The following GRIA1 variants were observed in gnomAD, a reference collection of about 807,000 sequenced individuals.
GRIA1 encodes the protein glutamate receptor 1.
In GRIA1, 31 loss-of-function variants were observed where a neutral mutation model predicts 99.2. That is an observed-to-expected ratio of 0.31 (90% confidence interval 0.23 to 0.42). The LOEUF (loss-of-function observed/expected upper bound fraction) is 0.42, where lower values mean the gene tolerates loss of function less well. GRIA1 is among the 10% of genes least tolerant of loss of function. GRIA1 has a pLI of 1.00. For missense variants in GRIA1, 782 were observed against 1,157.5 expected, an observed-to-expected ratio of 0.68 and a Z score of 4.71; for synonymous variants, 438 against 432.4, an observed-to-expected ratio of 1.01 and a Z score of -0.16.
At chr5:153,768,927 G>T (rs116240310) in intron 12 of GRIA1, among the ~76,000 whole-genome samples, 1 of 152,150 alleles carries the variant, frequency 6.6e-6, no homozygotes, top group Non-Finnish European at 1.5e-5. Flanking sequence ...TTTGGGAAAA[G>T]GTCACCGTTT....
chr5:153,677,497 C>G (rs965538990), intron 7 of GRIA1, among the ~76,000 whole-genome samples: 26 of 152,328 alleles, frequency 1.7e-4, no homozygotes, highest in Admixed American at 5.2e-4. Flanking sequence ...TGGAAACACT[C>G]CCCTCTTGCC....
chr5:153,493,804 C>A, intron 1 of GRIA1, 124 bp from the exon 2 acceptor site: 3 of 923,854 alleles, frequency 3.2e-6, no homozygotes, highest in Non-Finnish European at 5.0e-6. Flanking sequence ...CTCATCTCTA[C>A]CACTCAAGGC....
At chr5:153,583,292 C>T (rs1259005326) in intron 2 of GRIA1, among the ~76,000 whole-genome samples, 1 of 152,122 alleles carries the variant, frequency 6.6e-6, no homozygotes, top group Non-Finnish European at 1.5e-5. Context: ...CAAAATTCCA[C>T]AAGCAGGATG....
chr5:153,742,144 G>A (rs897288627), intron 11 of GRIA1, among the ~76,000 whole-genome samples: 4 of 152,152 alleles, frequency 2.6e-5, no homozygotes, highest in African/African-American at 9.7e-5. Context: ...GATTGCACCT[G>A]GCTGAGGGGG....
chr5:153,662,573 T>C (rs1174016447), intron 5 of GRIA1, among the ~76,000 whole-genome samples: 1 of 152,098 alleles, frequency 6.6e-6, no homozygotes, highest in Non-Finnish European at 1.5e-5. Context: ...CTCCCCCTTG[T>C]TTGAAGAATC....
intron 2 of GRIA1, among the ~76,000 whole-genome samples, chr5:153,504,136 C>T (rs1358911974): frequency 6.6e-6 from 1 of 151,966 alleles, no homozygotes; most frequent in Non-Finnish European, 1.5e-5. Context: ...TAGTCTTTTG[C>T]TTGACATGGG....
In GRIA1 at chr5:153,569,230, C is replaced by G. The variant is rs920370312; in HGVS notation, c.220+75165C>G. Among the ~76,000 whole-genome samples, 3 of 152,290 alleles carry G rather than the reference C, an allele frequency of 2.0e-5. 1 individual carries two copies. Among genetic ancestry groups the G allele is most frequent in the Middle Eastern group, 3.4e-3 (1 of 294 alleles). ...ATCAGTAAATATTTTGCCTTTGAATCTGAAGTTGTGGAGTAATGCCCAGAT... is the reference window on the plus strand; with the variant it reads ...ATCAGTAAATATTTTGCCTTTGAATGTGAAGTTGTGGAGTAATGCCCAGAT... On this transcript the variant is annotated intron_variant, in intron 2 of 15. Transcript: ENST00000285900.
intron 2 of GRIA1, among the ~76,000 whole-genome samples, chr5:153,514,302 C>G (rs1010261414): frequency 6.6e-6 from 1 of 152,196 alleles, no homozygotes; most frequent in African/African-American, 2.4e-5. Context: ...ATGTTTTTCT[C>G]CAGTCGTTTT....
intron 11 of GRIA1, among the ~76,000 whole-genome samples, chr5:153,715,984 G>A (rs1426154794): frequency 6.6e-6 from 1 of 152,134 alleles, no homozygotes; most frequent in African/African-American, 2.4e-5. Flanking sequence ...GAGAAGAAGT[G>A]GGAAGAATTG....
At chr5:153,751,405 T>C (rs565440660) in intron 11 of GRIA1, among the ~76,000 whole-genome samples, 2 of 152,234 alleles carry the variant, frequency 1.3e-5, no homozygotes, top group East Asian at 1.9e-4. Flanking sequence ...ATATTCGCAG[T>C]AGAGATTGAG....
chr5:153,732,281 C>G (rs1163312272), intron 11 of GRIA1, among the ~76,000 whole-genome samples: 1 of 151,886 alleles, frequency 6.6e-6, no homozygotes, highest in African/African-American at 2.4e-5. Context: ...TTTATTTTTA[C>G]TTTTTTGAGG....
chr5:153,697,225 T>C (rs1758178126), intron 8 of GRIA1, among the ~76,000 whole-genome samples: 1 of 152,210 alleles, frequency 6.6e-6, no homozygotes, highest in Admixed American at 6.5e-5. Context: ...TTAGGCCCAC[T>C]CACTTGTCAC....
At chr5:153,720,570 T>C (rs921634588) in intron 11 of GRIA1, among the ~76,000 whole-genome samples, 3 of 152,178 alleles carry the variant, frequency 2.0e-5, no homozygotes, top group Non-Finnish European at 4.4e-5. Context: ...CTAGCAACAT[T>C]GAGTTGCTGT....
chr5:153,528,350 A>G (rs1757799678), intron 2 of GRIA1, among the ~76,000 whole-genome samples: 1 of 152,182 alleles, frequency 6.6e-6, no homozygotes, highest in African/African-American at 2.4e-5. Flanking sequence ...TTTCAGGATT[A>G]TAGCCAAACC....
chr5:153,535,291 T>G (rs2113457464), intron 2 of GRIA1, among the ~76,000 whole-genome samples: 1 of 152,298 alleles, frequency 6.6e-6, no homozygotes, highest in East Asian at 1.9e-4. Flanking sequence ...CCATGTAAAT[T>G]TAGAATGTCA....
chr5:153,688,040 C>T (rs1757458498), intron 8 of GRIA1, among the ~76,000 whole-genome samples: 1 of 152,160 alleles, frequency 6.6e-6, no homozygotes, highest in Non-Finnish European at 1.5e-5. Context: ...ACCTATATTC[C>T]TTGGCTCCCA....
intron 15 of GRIA1, among the ~76,000 whole-genome samples, chr5:153,809,980 T>C (rs1206211889): frequency 1.3e-5 from 2 of 152,156 alleles, no homozygotes; most frequent in Non-Finnish European, 1.5e-5. Flanking sequence ...AATTCTGTGA[T>C]TGTTTCTTAA....
At chr5:153,717,835 C>T (rs894057666) in intron 11 of GRIA1, among the ~76,000 whole-genome samples, 1 of 152,196 alleles carries the variant, frequency 6.6e-6, no homozygotes, top group Non-Finnish European at 1.5e-5. Context: ...GGGGAACCCA[C>T]TGGCCACCGC....
chr5:153,677,068 T>C lies in GRIA1; in HGVS notation c.936T>C (p.Ile312=). Residue 312 remains isoleucine, a synonymous_variant, in exon 7 of 16, where the codon ATT becomes ATC. Transcript: ENST00000285900. ...EAFQSLRRQR[I]DISRRGNAGD... ...TCCAGAGCCTGCGGAGGCAGAGAAT[T>C]GATATATCTCGCCGGGGGAATGCTG... The C allele has an allele frequency of 6.3e-7, 1 of 1,585,108 alleles. No homozygotes were observed.
Sources: gnomAD v4.1 joint callset for allele counts (sites outside exome capture counted in the v4.1 genomes callset) on GRCh38, gnomAD v4.1.1 for gene constraint, MANE v1.5 for transcripts, NCBI Gene and HGNC (gene_info 2026-07-23, HGNC 2026-07-21) for gene names.